MYT1: variants seen among roughly 807,000 people sequenced by gnomAD.
MYT1 encodes the protein myelin transcription factor 1.
In MYT1, 23 loss-of-function variants were observed where a neutral mutation model predicts 123.0. That is an observed-to-expected ratio of 0.19 (90% CI 0.13 to 0.26). The LOEUF (loss-of-function observed/expected upper bound fraction) is 0.26. MYT1 is among the 10% of genes least tolerant of loss of function. The pLI, the probability that MYT1 is intolerant of heterozygous loss-of-function variation, is 1.00. For synonymous variants in MYT1, 518 were observed against 575.3 expected (o/e 0.90, Z 1.43); for missense variants, 1,125 against 1,472.5 (o/e 0.76, Z 3.86).
intron 19 of MYT1, among the ~76,000 whole-genome samples, chr20:64,235,948 CTGGACGTGGTGGGTGACCCTGGGA>C (rs1984521856): frequency 8.4e-6 from 1 of 118,798 alleles, no homozygotes; most frequent in Non-Finnish European, 1.7e-5. Context: ...TGACCCTGGG[CTGGACGTGGTGGGTGACCCTGGGA>C]TGGCCGCGGT....
At chr20:64,221,221 C>T (rs1983990134) in intron 13 of MYT1, among the ~76,000 whole-genome samples, 1 of 152,160 alleles carries the variant, frequency 6.6e-6, no homozygotes, top group Admixed American at 6.5e-5. Flanking sequence ...CCTGTCAGGA[C>T]AGGATTTTGA....
Position 64,208,613 on chromosome 20 carries a change from A to G in MYT1, c.1291+126A>G. On this transcript the variant is annotated intron_variant, in intron 7 of 22. Transcript: ENST00000328439. The surrounding 1 kb of genome is among the most constrained non-coding windows in gnomAD (Gnocchi z 5.4). ...GGATGGCAGAAAAGCAGACAAAAGG[A>G]CAAATACATGACACAGACTGTGGTC... 1 of 1,415,426 alleles carries G rather than the reference A, an allele frequency of 7.1e-7. No individual in the cohort carries two copies. The highest frequency in any genetic ancestry group is 9.3e-7 in the Non-Finnish European group (1 of 1,074,774). 87.7% of individuals were successfully genotyped at this position (1,415,426 alleles called of 1,614,324 possible).
intron 1 of MYT1, among the ~76,000 whole-genome samples, chr20:64,179,343 C>G (rs967496245): frequency 6.6e-6 from 1 of 152,256 alleles, no homozygotes; most frequent in Non-Finnish European, 1.5e-5. Flanking sequence ...CTCCCTTCAC[C>G]TGATGCTGAT....
In MYT1 at chr20:64,167,848, G is replaced by A. The variant is rs1266804666; in HGVS notation, c.-99+3109G>A. 6.6e-6 allele frequency among the ~76,000 whole-genome samples: 1 copy of A among 152,224 alleles called. No homozygotes were observed. The highest frequency in any genetic ancestry group is 1.5e-5 in the Non-Finnish European group (1 of 68,046). ...ATGTAATTTTAACAGGAATGTTGTG[G>A]TGTGAGTTTACAGGAAAATGGTCTT... On this transcript the variant is annotated intron_variant, in intron 1 of 22. Coordinates refer to ENST00000328439, the MANE Select transcript of MYT1 (RefSeq NM_004535.3). This position sits in a 1 kb window ranked among gnomAD's most constrained non-coding sequence, Gnocchi z 6.3.
At chr20:64,184,893 G>A (rs138143259) in intron 1 of MYT1, among the ~76,000 whole-genome samples, 10 of 152,312 alleles carry the variant, frequency 6.6e-5, no homozygotes, top group Non-Finnish European at 1.2e-4. Flanking sequence ...TGGCCAGGAG[G>A]AGCCTGTACA....
intron 4 of MYT1, among the ~76,000 whole-genome samples, chr20:64,200,792 C>G (rs1244408025): frequency 6.6e-6 from 1 of 152,202 alleles, no homozygotes; most frequent in African/African-American, 2.4e-5. Context: ...GTGCTACTTG[C>G]TGGAAGCCCC....
intron 3 of MYT1, 92 bp from the exon 4 acceptor site, chr20:64,199,800 C>T: frequency 6.8e-7 from 1 of 1,460,044 alleles, no homozygotes. Context: ...TGGCAAACCT[C>T]TCGGCTGTTT....
chr20:64,205,105 G>A lies in MYT1; in HGVS notation c.149+8G>A. 6.2e-7 allele frequency: 1 copy of A among 1,613,980 alleles called. No individual in the cohort carries two copies. Among genetic ancestry groups the A allele is most frequent in the Non-Finnish European group, 8.5e-7 (1 of 1,179,992 alleles). ...GTACTCCAGGCACCGAAGGTAAGAG[G>A]ACCCTTGGATCTCACGGAGATTCCT... is the stretch of plus-strand genomic sequence containing the variant. On this transcript the variant is annotated splice_region_variant and intron_variant, in intron 5 of 22. Coordinates refer to ENST00000328439, the MANE Select transcript of MYT1 (RefSeq NM_004535.3).
chr20:64,176,928 T>C (rs1273220857), intron 1 of MYT1, among the ~76,000 whole-genome samples: 1 of 152,260 alleles, frequency 6.6e-6, no homozygotes, highest in Non-Finnish European at 1.5e-5. Flanking sequence ...CAGAGCAGTT[T>C]AGCTGTTGTT....
chr20:64,196,789 T>C lies in MYT1; in HGVS notation c.1-2073T>C, dbSNP rs1983135957. 1.3e-5 allele frequency among the ~76,000 whole-genome samples: 2 copies of C among 152,202 alleles called. No individual in the cohort carries two copies. On this transcript the variant is annotated intron_variant, in intron 2 of 22. Coordinates refer to ENST00000328439, the MANE Select transcript of MYT1 (RefSeq NM_004535.3). The surrounding 1 kb of genome is among the most constrained non-coding windows in gnomAD (Gnocchi z 4.3). ...CACATCCCTGCAACCCTCTCTATTCTCTGCTCTTTGAATAATTTATCTGCA... is the reference window on the plus strand; with the variant it reads ...CACATCCCTGCAACCCTCTCTATTCCCTGCTCTTTGAATAATTTATCTGCA...
chr20:64,201,142 C>G (rs1378844267), intron 4 of MYT1, among the ~76,000 whole-genome samples: 2 of 152,168 alleles, frequency 1.3e-5, no homozygotes, highest in Non-Finnish European at 2.9e-5. Flanking sequence ...AAACTCCAGG[C>G]TTTTTTGGTA....
intron 2 of MYT1, among the ~76,000 whole-genome samples, chr20:64,197,807 G>A (rs1303446434): frequency 2.6e-5 from 4 of 152,120 alleles, no homozygotes; most frequent in Admixed American, 6.5e-5. Flanking sequence ...TGACTCCCTC[G>A]CCGGACAATG....
intron 7 of MYT1, among the ~76,000 whole-genome samples, chr20:64,210,355 A>G (rs946384067): frequency 2.0e-5 from 3 of 152,220 alleles, no homozygotes; most frequent in African/African-American, 7.2e-5. Context: ...GTTGGGGCAC[A>G]GATGCTGCGA....
chr20:64,206,564 C>T (rs925401990), intron 6 of MYT1, among the ~76,000 whole-genome samples: 2 of 152,174 alleles, frequency 1.3e-5, no homozygotes, highest in Non-Finnish European at 2.9e-5. Context: ...ACCACTCACC[C>T]AGCACTCCCC....
At chr20:64,178,987 C>T (rs1333203381) in intron 1 of MYT1, among the ~76,000 whole-genome samples, 44 of 144,530 alleles carry the variant, frequency 3.0e-4, no homozygotes, top group Admixed American at 5.4e-4. Flanking sequence ...GGTGAGATAC[C>T]CTTCAACGTG....
chr20:64,173,830 G>A (rs867826500), intron 1 of MYT1, among the ~76,000 whole-genome samples: 1 of 5,442 alleles, frequency 1.8e-4, no homozygotes, highest in Non-Finnish European at 2.7e-4. Flanking sequence ...CCCCTCCCTG[G>A]CTTCTCCTGC....
chr20:64,176,680 G>A (rs1208256470), intron 1 of MYT1, among the ~76,000 whole-genome samples: 1 of 152,254 alleles, frequency 6.6e-6, no homozygotes, highest in Non-Finnish European at 1.5e-5. Context: ...GGAGCAGTGT[G>A]GAGTGGTTTC....
rs751443770 is a variant in MYT1, at chr20:64,227,967, A to T, written c.2671A>T (p.Met891Leu). The change falls in exon 18 of 23, where the codon ATG (methionine) becomes TTG (leucine). Residue 891 changes from methionine (M) to leucine (L), a missense_variant. By Grantham distance (15) the Met-to-Leu change is conservative (BLOSUM62 2). Coordinates refer to ENST00000328439, the MANE Select transcript of MYT1 (RefSeq NM_004535.3). Reference protein sequence around the residue: ...TKDDKEDPELMKCPVPGCVGL... With the variant: ...TKDDKEDPELLKCPVPGCVGL... ...GGACGACAAGGAGGACCCCGAGCTG[A>T]TGAAGTACGTTGGGCCATGCTGGCT... 42 of 1,614,056 alleles carry T rather than the reference A, an allele frequency of 2.6e-5. No homozygotes were observed. Among genetic ancestry groups the T allele is most frequent in the Non-Finnish European group, 3.4e-5 (40 of 1,179,950 alleles).
rs529526306 is a variant in MYT1 at position 64,208,111 on chromosome 20, G to A, written c.915G>A (p.Glu305=). The change falls in exon 7 of 23, where the codon GAG becomes GAA. Residue 305 remains glutamate (E), a synonymous_variant. Transcript: ENST00000328439. This position sits in a 1 kb window ranked among gnomAD's most constrained non-coding sequence, Gnocchi z 5.4. The part of the protein sequence containing the change: ...EEEEEEEEEE[E]EAAPDVIFQE... ...AAGAGGAAGAGGAAGAGGAGGAGGA[G>A]GAGGCAGCTCCTGATGTGATCTTTC... 7.4e-6 allele frequency: 12 copies of A among 1,610,882 alleles called. No homozygotes were observed. The African/African-American group carries it at 1.3e-4, about 18-fold the overall frequency.
Sources: gnomAD v4.1 joint callset for allele counts (sites outside exome capture counted in the v4.1 genomes callset) on GRCh38, gnomAD v4.1.1 for gene constraint, Gnocchi (gnomAD v3.1) non-coding constraint, MANE v1.5 for transcripts, NCBI Gene and HGNC (gene_info 2026-07-23, HGNC 2026-07-21) for gene names.